The following PLSCR5 variants were observed in gnomAD, a reference collection of about 807,000 sequenced individuals.
The protein encoded by PLSCR5 is phospholipid scramblase family member 5, also known as phospholipid scramblase family, member 5.
In PLSCR5, 44 loss-of-function variants were observed where a neutral mutation model predicts 33.6. The ratio of observed to expected loss-of-function variants is 1.31; its 90% CI spans 1.03 to 1.69. The LOEUF (loss-of-function observed/expected upper bound fraction) is 1.69. Among genes scored for constraint, PLSCR5 ranks in the 40% most tolerant of loss-of-function variants. The pLI is 0.00. For missense variants in PLSCR5, 375 were observed against 318.7 expected (o/e 1.18, Z -1.34); for synonymous variants, 148 against 112.3 (o/e 1.32, Z -2.01).
At chr3:146,601,783 A>G (rs2044818196) in intron 1 of PLSCR5, among the ~76,000 whole-genome samples, 2 of 152,138 alleles carry the variant, frequency 1.3e-5, no homozygotes, top group African/African-American at 2.4e-5. Flanking sequence ...GTGAAGAAAC[A>G]TCTTTATCTT....
At chr3:146,596,826 G>A (rs2107856464) in intron 2 of PLSCR5, among the ~76,000 whole-genome samples, 1 of 152,158 alleles carries the variant, frequency 6.6e-6, no homozygotes, top group African/African-American at 2.4e-5. Flanking sequence ...AAAATAATAT[G>A]TGTGGCCTCT....
At chr3:146,584,506 G>A (rs570178801), downstream of PLSCR5, among the ~76,000 whole-genome samples, 60 of 152,252 alleles carry the variant, frequency 3.9e-4, no homozygotes, top group African/African-American at 1.3e-3. Flanking sequence ...GAGAAAGGTC[G>A]CACGTGATTT....
downstream of PLSCR5, among the ~76,000 whole-genome samples, chr3:146,582,637 A>T (rs1396187351): frequency 6.6e-6 from 1 of 152,150 alleles, no homozygotes; most frequent in Non-Finnish European, 1.5e-5. Flanking sequence ...GAGACAAAGA[A>T]CTTCGGAAAA....
chr3:146,601,968 T>A (rs2044819911), intron 1 of PLSCR5, among the ~76,000 whole-genome samples: 1 of 152,108 alleles, frequency 6.6e-6, no homozygotes, highest in Non-Finnish European at 1.5e-5. Context: ...ATAAACTGAG[T>A]TCATTATTAT....
At chr3:146,589,464 A>G in intron 6 of PLSCR5, 189 bp downstream of exon 6, 1 of 433,776 alleles carries the variant, frequency 2.3e-6, no homozygotes, top group Non-Finnish European at 3.9e-6. Flanking sequence ...ATCACTGAAG[A>G]GGGGCTGCCT....
chr3:146,598,024 T>C (rs72988664), intron 2 of PLSCR5, among the ~76,000 whole-genome samples: 11,536 of 152,184 alleles, frequency 0.076, 494 homozygotes, highest in East Asian at 0.16. Context: ...GGAAAGAATT[T>C]ATTGATTTTA....
At chr3:146,595,391 G>A (rs1301787714) in intron 2 of PLSCR5, among the ~76,000 whole-genome samples, 1 of 152,168 alleles carries the variant, frequency 6.6e-6, no homozygotes, top group Non-Finnish European at 1.5e-5. Context: ...GTCAAGGTAG[G>A]CAGATTGCTT....
At position 146,580,452 on chromosome 3, in the gene PLSCR5, T is replaced by A. The variant is rs527575281; in HGVS notation, c.*45-3727A>T. ...GCTCTTGACTCAGAGCCTTTGAATT[T>A]GCTTTTTTTTTTTTTTTTTTTTTTT... is the stretch of plus-strand genomic sequence containing the variant. On this transcript the variant is annotated intron_variant, in intron 7 of 7. Coordinates refer to the PLSCR5 transcript ENST00000482567. Among the ~76,000 whole-genome samples, 17 of 143,626 alleles carry A rather than the reference T, an allele frequency of 1.2e-4. No homozygotes were observed. The South Asian group carries it at 1.6e-3, about 13-fold the overall frequency. 94.2% of individuals were successfully genotyped at this position (143,626 alleles called of 152,430 possible). A position where few individuals can be genotyped will look rare whatever the true frequency, so the allele number is the denominator to read the frequency against.
At chr3:146,590,025 T>C in intron 5 of PLSCR5, 1 of 368,464 alleles carries the variant, frequency 2.7e-6, no homozygotes, top group East Asian at 4.1e-5. Flanking sequence ...TTGACAGTTT[T>C]CTAGTCCATC....
At chr3:146,582,675 G>A (rs2044640367), downstream of PLSCR5, among the ~76,000 whole-genome samples, 1 of 152,060 alleles carries the variant, frequency 6.6e-6, no homozygotes, top group South Asian at 2.1e-4. Flanking sequence ...AAAGAGAATA[G>A]CCCTTACCAG....
chr3:146,590,387 T>C (rs1033133547), intron 5 of PLSCR5: 1 of 152,068 alleles, frequency 6.6e-6, no homozygotes, highest in Non-Finnish European at 1.5e-5. Context: ...GTCAATACTT[T>C]CTAACAAATC....
At chr3:146,582,018 A>C (rs1374806605), downstream of PLSCR5, among the ~76,000 whole-genome samples, 1 of 152,242 alleles carries the variant, frequency 6.6e-6, no homozygotes, top group Non-Finnish European at 1.5e-5. Context: ...TGAAAGACTT[A>C]AAGGCATTAC....
chr3:146,597,269 T>C (rs1452183645), intron 2 of PLSCR5, among the ~76,000 whole-genome samples: 2 of 152,182 alleles, frequency 1.3e-5, no homozygotes, highest in African/African-American at 4.8e-5. Flanking sequence ...GCTAGATGTT[T>C]AGACAGCATC....
At chr3:146,601,257 G>A (rs1355626949) in intron 1 of PLSCR5, among the ~76,000 whole-genome samples, 1 of 151,908 alleles carries the variant, frequency 6.6e-6, no homozygotes, top group East Asian at 1.9e-4. Context: ...TAATAAGGTG[G>A]TATATGCAAA....
chr3:146,589,526 G>T, intron 6 of PLSCR5, 127 bp downstream of exon 6: 1 of 940,736 alleles, frequency 1.1e-6, no homozygotes, highest in Non-Finnish European at 1.4e-6. Context: ...TTGGTCCTAA[G>T]CTATCCTTCT....
chr3:146,602,267 G>A (rs1249957611), intron 1 of PLSCR5, among the ~76,000 whole-genome samples: 1 of 152,132 alleles, frequency 6.6e-6, no homozygotes, highest in African/African-American at 2.4e-5. Context: ...CACTATGTCA[G>A]ATTTGGGAGA....
chr3:146,594,079 A>G lies in PLSCR5; in HGVS notation c.294T>C (p.Ile98=), dbSNP rs2044737828. Residue 98 remains isoleucine (I), a synonymous_variant, in exon 4 of 8, where the codon ATT becomes ATC. Coordinates refer to ENST00000443512, the MANE Select transcript of PLSCR5 (RefSeq NM_001085420.2). ...YEIKNSLGQR[I]YFAVEESICF... ...AGATGCTTTCCTCCACTGCAAAGTA[A>G]ATTCTTTGTCCCAAGCTGTTTTTAA... is the stretch of plus-strand genomic sequence containing the variant. 3.7e-6 allele frequency: 6 copies of G among 1,613,852 alleles called. No homozygotes were observed. Among genetic ancestry groups the G allele is most frequent in the Non-Finnish European group, 5.1e-6 (6 of 1,179,800 alleles).
intron 5 of PLSCR5, 81 bp from the exon 6 acceptor site, chr3:146,589,895 G>A (rs1331592314): frequency 9.3e-6 from 8 of 858,240 alleles, no homozygotes; most frequent in East Asian, 2.7e-5. Flanking sequence ...TACTTCATGA[G>A]AGATTTGAAT....
chr3:146,605,313 A>G lies in PLSCR5; in HGVS notation c.-101T>C. 1.3e-6 allele frequency: 2 copies of G among 1,591,958 alleles called. No individual in the cohort carries two copies. Among genetic ancestry groups the G allele is most frequent in the Admixed American group, 1.7e-5 (1 of 57,352 alleles). Reference sequence around the variant, plus strand: ...AAACGCAGCATGCACAAAACTTCAGAACGTGTTTGTCTGCCTCTTGTCAGC... The same window carrying G: ...AAACGCAGCATGCACAAAACTTCAGGACGTGTTTGTCTGCCTCTTGTCAGC... On this transcript the variant is annotated 5_prime_UTR_variant, in exon 1 of 8. Coordinates refer to ENST00000443512, the MANE Select transcript of PLSCR5 (RefSeq NM_001085420.2).
Sources: gnomAD v4.1 joint callset for allele counts (sites outside exome capture counted in the v4.1 genomes callset) on GRCh38, gnomAD v4.1.1 for gene constraint, MANE v1.5 for transcripts, NCBI Gene and HGNC (gene_info 2026-07-23, HGNC 2026-07-21) for gene names.